Variants in ESF1 observed in about 807,000 individuals in gnomAD.
ESF1 encodes ESF1 nucleolar pre-rRNA processing protein, also known as ESF1 homolog.
Under a neutral mutation model 92.0 loss-of-function variants are expected in ESF1, and 58 were observed. That is an observed-to-expected ratio of 0.63 (90% CI 0.51 to 0.78). ESF1 has a LOEUF of 0.78. Among genes scored for constraint, ESF1 ranks in the 30% least tolerant of loss-of-function variants. The pLI is 0.00. For missense variants in ESF1, 922 were observed against 989.1 expected (o/e 0.93, Z 0.91); for synonymous variants, 321 against 313.7 (o/e 1.02, Z -0.24).
intron 9 of ESF1, among the ~76,000 whole-genome samples, chr20:13,739,794 CA>C (rs1345097496): frequency 6.6e-5 from 10 of 150,862 alleles, no homozygotes; most frequent in African/African-American, 9.8e-5. Flanking sequence ...TCCTTGGGGA[CA>C]AACACTGATC....
intron 2 of ESF1, among the ~76,000 whole-genome samples, chr20:13,781,452 T>C (rs541023069): frequency 6.6e-6 from 1 of 152,312 alleles, no homozygotes; most frequent in East Asian, 1.9e-4. Flanking sequence ...AATTATGTAT[T>C]TCTACTAGAC....
intron 2 of ESF1, among the ~76,000 whole-genome samples, chr20:13,780,692 G>A (rs1184590958): frequency 6.6e-6 from 1 of 152,158 alleles, no homozygotes; most frequent in Non-Finnish European, 1.5e-5. Context: ...GGCCTATCAA[G>A]ACCCCTCCTT....
chr20:13,766,863 T>C lies in ESF1; in HGVS notation c.1580A>G (p.Lys527Arg), dbSNP rs1222965089. The C allele has an allele frequency of 6.2e-7, 1 of 1,613,806 alleles. No homozygotes were observed. Among genetic ancestry groups the C allele is most frequent in the Non-Finnish European group, 8.5e-7 (1 of 1,179,964 alleles). ...ATCCATGTCCAAAAGCTCTTCCTTT[T>C]TAAACTTCCTGTTGAGCATTGTAAT... ...ERITMLNRKFKKEELLDMDFQ... is the reference protein window; with the variant it reads ...ERITMLNRKFRKEELLDMDFQ... The change falls in exon 8 of 14, where the codon AAA (lysine) becomes AGA (arginine). Residue 527 changes from lysine to arginine, a missense_variant. Physicochemically the swap from Lys to Arg is conservative, Grantham distance 26. Coordinates refer to ENST00000617257, the MANE Select transcript of ESF1 (RefSeq NM_001276380.2).
intron 10 of ESF1, among the ~76,000 whole-genome samples, chr20:13,729,892 A>C (rs947882313): frequency 2.6e-5 from 4 of 152,250 alleles, no homozygotes; most frequent in African/African-American, 9.6e-5. Context: ...AATAGAACAC[A>C]TGTGAACTAA....
chr20:13,751,391 G>A (rs1292437742), intron 9 of ESF1, among the ~76,000 whole-genome samples: 1 of 152,166 alleles, frequency 6.6e-6, no homozygotes, highest in Non-Finnish European at 1.5e-5. Context: ...CTCACTTGTG[G>A]CAGATTGCAA....
In ESF1 at chr20:13,775,951, C is replaced by T. The variant is rs748657225; in HGVS notation, c.957G>A (p.Thr319=). The T allele has an allele frequency of 1.6e-5, 26 of 1,613,492 alleles. No individual in the cohort carries two copies. The highest frequency in any genetic ancestry group is 4.4e-5 in the South Asian group (4 of 91,050). ...CAGATTCTTCTGGAAACAAATCTGC[C>T]GTATCATCTTCATCTTCAGAACTAG... ...IETSSEDEDD[T]ADLFPEESGF... Residue 319 remains threonine, a synonymous_variant, in exon 3 of 14, where the codon ACG becomes ACA. Transcript: ENST00000617257.
rs558182768 is a variant in ESF1, at chr20:13,722,106, T to A, written c.2039-3122A>T. On this transcript the variant is annotated intron_variant, in intron 11 of 13. Transcript: ENST00000617257. ...AATTAGACTGTATATAATTAATATT[T>A]AAAGCAGATAAAGATCTTCACATAC... Among the ~76,000 whole-genome samples, 8 of 152,262 alleles carry A rather than the reference T, an allele frequency of 5.3e-5. 1 individual carries two copies. The East Asian group carries it at 1.5e-3, about 29-fold the overall frequency.
At chr20:13,715,667 A>G (rs1259456698) in intron 13 of ESF1, among the ~76,000 whole-genome samples, 5 of 152,218 alleles carry the variant, frequency 3.3e-5, no homozygotes, top group Non-Finnish European at 7.3e-5. Context: ...AAAGACCACT[A>G]TGGCAAATAA....
At chr20:13,775,535 T>C (rs908011928) in intron 3 of ESF1, among the ~76,000 whole-genome samples, 1 of 152,196 alleles carries the variant, frequency 6.6e-6, no homozygotes, top group Non-Finnish European at 1.5e-5. Context: ...AACCACCAAG[T>C]TTGTTCAGCT....
intron 2 of ESF1, among the ~76,000 whole-genome samples, chr20:13,779,051 A>C (rs1448376243): frequency 2.0e-5 from 3 of 152,128 alleles, no homozygotes. Flanking sequence ...GTCTCCAAAA[A>C]TAAAAATAAA....
At chr20:13,746,892 A>C (rs560848206) in intron 9 of ESF1, among the ~76,000 whole-genome samples, 6 of 152,334 alleles carry the variant, frequency 3.9e-5, no homozygotes, top group African/African-American at 1.4e-4. Context: ...AGTTTATATA[A>C]GTTAACCATA....
chr20:13,758,481 C>T (rs983753495), intron 9 of ESF1, among the ~76,000 whole-genome samples: 1 of 152,200 alleles, frequency 6.6e-6, no homozygotes, highest in African/African-American at 2.4e-5. Flanking sequence ...TAGCCAGTGT[C>T]CATCCTAGCA....
intron 10 of ESF1, among the ~76,000 whole-genome samples, chr20:13,731,270 T>G (rs150212470): frequency 6.6e-6 from 1 of 152,060 alleles, no homozygotes; most frequent in Non-Finnish European, 1.5e-5. Flanking sequence ...ATTTCATTTA[T>G]AAGATATTTT....
At chr20:13,784,559 G>A (rs1050843871) in intron 1 of ESF1, among the ~76,000 whole-genome samples, 6 of 152,016 alleles carry the variant, frequency 3.9e-5, no homozygotes, top group Non-Finnish European at 1.5e-5. Flanking sequence ...CTCCCGACAC[G>A]CGCCCGCATC....
intron 13 of ESF1, among the ~76,000 whole-genome samples, chr20:13,716,903 C>T (rs1462489776): frequency 2.8e-5 from 4 of 145,062 alleles, no homozygotes; most frequent in African/African-American, 5.1e-5. Context: ...CTGCAAGCTC[C>T]GCCTCCTGGG....
chr20:13,725,726 TACTC>T (rs1413448667), intron 11 of ESF1, among the ~76,000 whole-genome samples: 1 of 152,204 alleles, frequency 6.6e-6, no homozygotes, highest in African/African-American at 2.4e-5. Flanking sequence ...CACTGCTCTC[TACTC>T]GCACTGCCAT....
chr20:13,773,757 G>A (rs1304000152), intron 4 of ESF1, among the ~76,000 whole-genome samples: 2 of 152,256 alleles, frequency 1.3e-5, no homozygotes, highest in East Asian at 3.9e-4. Flanking sequence ...AGGCCGAGAA[G>A]CGACAGGGTG....
intron 9 of ESF1, among the ~76,000 whole-genome samples, chr20:13,745,446 T>A (rs1383190548): frequency 6.6e-6 from 1 of 152,144 alleles, no homozygotes; most frequent in African/African-American, 2.4e-5. Context: ...AAATAGAATG[T>A]TTAATTTTAT....
chr20:13,757,142 A>C, intron 9 of ESF1, among the ~76,000 whole-genome samples: 1 of 152,180 alleles, frequency 6.6e-6, no homozygotes, highest in East Asian at 1.9e-4. Flanking sequence ...TTACATTTTC[A>C]CTTCATAAGG....
Sources: gnomAD v4.1 joint callset for allele counts (sites outside exome capture counted in the v4.1 genomes callset) on GRCh38, gnomAD v4.1.1 for gene constraint, MANE v1.5 for transcripts, NCBI Gene and HGNC (gene_info 2026-07-23, HGNC 2026-07-21) for gene names.